Variants in KHDRBS2 observed in about 807,000 individuals in gnomAD.
KHDRBS2 encodes KH domain-containing, RNA-binding, signal transduction-associated protein 2.
KHDRBS2 carries 26 observed loss-of-function variants against 44.3 expected under a neutral mutation model. The ratio of observed to expected loss-of-function variants is 0.59; its 90% CI spans 0.43 to 0.81. The LOEUF (loss-of-function observed/expected upper bound fraction) is 0.81. Ranked by LOEUF, KHDRBS2 falls within the 40% of genes least tolerant of loss-of-function variation. The probability of loss-of-function intolerance (pLI) is 0.00; values close to 1 mark genes in which losing one functional copy is unlikely to be tolerated. For missense variants in KHDRBS2, 476 were observed against 433.1 expected, an observed-to-expected ratio of 1.10 and a Z score of -0.88; for synonymous variants, 194 against 151.1, an observed-to-expected ratio of 1.28 and a Z score of -2.08.
intron 7 of KHDRBS2, among the ~76,000 whole-genome samples, chr6:61,702,650 T>C (rs1292657068): frequency 6.6e-6 from 1 of 151,968 alleles, no homozygotes; most frequent in Admixed American, 6.6e-5. Flanking sequence ...AATTTGTTTA[T>C]AGAACTTTGT....
intron 1 of KHDRBS2, among the ~76,000 whole-genome samples, chr6:62,242,878 A>G (rs1248563480): frequency 6.6e-6 from 1 of 152,150 alleles, no homozygotes; most frequent in Non-Finnish European, 1.5e-5. Flanking sequence ...TTTTGCCTGC[A>G]GGACATGCTT....
intron 4 of KHDRBS2, among the ~76,000 whole-genome samples, chr6:61,926,002 A>G (rs976506309): frequency 6.6e-6 from 1 of 152,168 alleles, no homozygotes; most frequent in Non-Finnish European, 1.5e-5. Context: ...GGAAGCCGAC[A>G]TTGAGATAAA....
the KHDRBS2 span, among the ~76,000 whole-genome samples, chr6:61,631,651 T>C: frequency 6.6e-6 from 1 of 152,110 alleles, no homozygotes; most frequent in Non-Finnish European, 1.5e-5. Flanking sequence ...AGCAACAATA[T>C]GGCAGAAATC....
In KHDRBS2 at chr6:61,710,796, C is replaced by CTT. The variant is rs34892850; in HGVS notation, c.894-13545_894-13544dup. ...GATCAGCTCTCATTGTACCTGAGCT[C>CTT]TTTTTTTTTTTTTTTTAATCTTGAT... On this transcript the variant is annotated intron_variant, in intron 7 of 8. Coordinates refer to ENST00000281156, the MANE Select transcript of KHDRBS2 (RefSeq NM_152688.4). 2.2e-3 allele frequency among the ~76,000 whole-genome samples: 253 copies of CTT among 116,414 alleles called. 1 individual carries two copies. The highest frequency in any genetic ancestry group is 8.6e-3 in the Middle Eastern group (2 of 232). 76.4% of individuals were successfully genotyped at this position (116,414 alleles called of 152,430 possible).
chr6:62,018,546 C>G (rs1321442792), intron 3 of KHDRBS2, among the ~76,000 whole-genome samples: 4 of 152,042 alleles, frequency 2.6e-5, no homozygotes, highest in African/African-American at 9.7e-5. Context: ...CGGGGTTTCA[C>G]CGATTAGCCA....
At chr6:62,279,120 A>C (rs1344472965) in intron 1 of KHDRBS2, among the ~76,000 whole-genome samples, 1 of 151,538 alleles carries the variant, frequency 6.6e-6, no homozygotes, top group Non-Finnish European at 1.5e-5. Flanking sequence ...AATAAATAAA[A>C]ATAAATAAAA....
At chr6:62,155,114 G>A (rs1816068779) in intron 2 of KHDRBS2, among the ~76,000 whole-genome samples, 1 of 152,178 alleles carries the variant, frequency 6.6e-6, no homozygotes, top group Non-Finnish European at 1.5e-5. Context: ...ATGGTAGTCT[G>A]GAAGACAGGG....
At chr6:62,089,464 C>T (rs1252082380) in intron 2 of KHDRBS2, among the ~76,000 whole-genome samples, 3 of 152,060 alleles carry the variant, frequency 2.0e-5, no homozygotes, top group Admixed American at 6.6e-5. Context: ...GATCCAGCTT[C>T]CCTTGGCTAG....
intron 6 of KHDRBS2, among the ~76,000 whole-genome samples, chr6:61,857,793 C>T (rs970361089): frequency 6.6e-6 from 1 of 151,974 alleles, no homozygotes; most frequent in Middle Eastern, 3.4e-3. Flanking sequence ...TCTGCAACAC[C>T]TTGAAATTAC....
intron 6 of KHDRBS2, among the ~76,000 whole-genome samples, chr6:61,861,357 G>A (rs1274303593): frequency 2.6e-5 from 4 of 151,770 alleles, no homozygotes; most frequent in Non-Finnish European, 5.9e-5. Flanking sequence ...GTTTTACATT[G>A]AAGTCCTTAA....
chr6:62,148,539 G>C (rs1237081793), intron 2 of KHDRBS2, among the ~76,000 whole-genome samples: 1 of 151,910 alleles, frequency 6.6e-6, no homozygotes, highest in Non-Finnish European at 1.5e-5. Flanking sequence ...AAAGGAAAAA[G>C]TCAAGCTGAG....
chr6:61,644,199 TG>T, the KHDRBS2 span, among the ~76,000 whole-genome samples: 3 of 152,096 alleles, frequency 2.0e-5, no homozygotes, highest in Admixed American at 2.0e-4. Context: ...AAACAAGCAA[TG>T]GGGAAAGGAC....
At chr6:61,705,628 G>C (rs1440088384) in intron 7 of KHDRBS2, among the ~76,000 whole-genome samples, 1 of 151,712 alleles carries the variant, frequency 6.6e-6, no homozygotes, top group Non-Finnish European at 1.5e-5. Context: ...CTTAAAAAAT[G>C]GGTAACTATT....
intron 3 of KHDRBS2, among the ~76,000 whole-genome samples, chr6:62,028,890 T>C (rs1422879138): frequency 6.6e-6 from 1 of 152,108 alleles, no homozygotes; most frequent in South Asian, 2.1e-4. Context: ...ATGAAAAACA[T>C]GTCTTCAAAA....
chr6:61,617,381 T>A, the KHDRBS2 span, among the ~76,000 whole-genome samples: 1 of 152,142 alleles, frequency 6.6e-6, no homozygotes, highest in African/African-American at 2.4e-5. Context: ...AGATTATCAG[T>A]CTCATTGTCC....
At chr6:61,870,305 G>C (rs1024747901) in intron 6 of KHDRBS2, among the ~76,000 whole-genome samples, 1 of 152,158 alleles carries the variant, frequency 6.6e-6, no homozygotes, top group Non-Finnish European at 1.5e-5. Flanking sequence ...AGCCCACGCA[G>C]CTCAGTAAGG....
At chr6:61,646,277 A>G in the KHDRBS2 span, among the ~76,000 whole-genome samples, 1 of 152,144 alleles carries the variant, frequency 6.6e-6, no homozygotes, top group African/African-American at 2.4e-5. Flanking sequence ...CTATAAACAG[A>G]GGTATTGTTT....
At chr6:61,773,687 C>T (rs1338407162) in intron 6 of KHDRBS2, among the ~76,000 whole-genome samples, 1 of 151,456 alleles carries the variant, frequency 6.6e-6, no homozygotes, top group Non-Finnish European at 1.5e-5. Context: ...GTTGCCATTG[C>T]TTTTGGTGTT....
chr6:61,806,951 T>C (rs571770321), intron 6 of KHDRBS2, among the ~76,000 whole-genome samples: 1 of 151,990 alleles, frequency 6.6e-6, no homozygotes, highest in African/African-American at 2.4e-5. Flanking sequence ...TGTCAAATCA[T>C]TTTTTTTAGG....
Sources: gnomAD v4.1 joint callset for allele counts (sites outside exome capture counted in the v4.1 genomes callset) on GRCh38, gnomAD v4.1.1 for gene constraint, MANE v1.5 for transcripts, NCBI Gene and HGNC (gene_info 2026-07-23, HGNC 2026-07-21) for gene names.